Variants in DNAJC17 observed in about 807,000 individuals in gnomAD.
The protein encoded by DNAJC17 is DnaJ heat shock protein family (Hsp40) member C17, also known as dnaJ homolog subfamily C member 17.
A neutral mutation model predicts 48.1 loss-of-function variants in DNAJC17; 35 were observed. The observed-to-expected ratio is 0.73, with a 90% CI of 0.56 to 0.96. The LOEUF (loss-of-function observed/expected upper bound fraction) is 0.96, where lower values mean the gene tolerates loss of function less well. Among genes scored for constraint, DNAJC17 ranks in the 50% least tolerant of loss-of-function variants. The pLI, the probability that DNAJC17 is intolerant of heterozygous loss-of-function variation, is 0.00. For missense variants in DNAJC17, 355 were observed against 377.1 expected, an observed-to-expected ratio of 0.94 and a Z score of 0.48; for synonymous variants, 117 against 142.7, an observed-to-expected ratio of 0.82 and a Z score of 1.28.
At chr15:40,802,377 C>T (rs1890098688) in intron 1 of DNAJC17, among the ~76,000 whole-genome samples, 1 of 152,022 alleles carries the variant, frequency 6.6e-6, no homozygotes, top group African/African-American at 2.4e-5. Context: ...ACCCTGTTGG[C>T]CAGGCTGTCT....
In DNAJC17 at chr15:40,779,530, G is replaced by A; in HGVS notation, c.207+15C>T. The A allele has an allele frequency of 2.5e-6, 4 of 1,614,108 alleles. No homozygotes were observed. Among genetic ancestry groups the A allele is most frequent in the Non-Finnish European group, 3.4e-6 (4 of 1,180,004 alleles). On this transcript the variant is annotated intron_variant, in intron 3 of 10. Transcript: ENST00000220496. The stretch of plus-strand genomic sequence containing the variant: ...AACCATGGGGGACGATTCCGATGAA[G>A]GAGGCTGTGCTTACCCTGGCTGCAG...
intron 1 of DNAJC17, among the ~76,000 whole-genome samples, chr15:40,794,655 C>T (rs969202592): frequency 3.9e-5 from 6 of 152,134 alleles, no homozygotes; most frequent in East Asian, 1.9e-4. Context: ...TGGGGCAAAG[C>T]GAGACCATCT....
intron 1 of DNAJC17, among the ~76,000 whole-genome samples, chr15:40,798,494 G>A (rs1889994774): frequency 6.6e-6 from 1 of 152,202 alleles, no homozygotes; most frequent in Non-Finnish European, 1.5e-5. Context: ...GATTAAAATG[G>A]TAAGCAGTAA....
Position 40,807,088 on chromosome 15 carries a change from C to G in DNAJC17, c.78+281G>C. On this transcript the variant is annotated intron_variant, in intron 1 of 10. Coordinates refer to ENST00000220496, the MANE Select transcript of DNAJC17 (RefSeq NM_018163.3). ...ACTGCGCAGGCGCAGAGGAGGCTAGCGTTCCTTGCTGCCTCGCCCCGCGGC... is the reference window on the plus strand; with the variant it reads ...ACTGCGCAGGCGCAGAGGAGGCTAGGGTTCCTTGCTGCCTCGCCCCGCGGC... The G allele has an allele frequency of 7.4e-6, 5 of 679,962 alleles. No individual in the cohort carries two copies. The South Asian group carries it at 9.8e-5, about 13-fold the overall frequency. The allele number at this position is 679,962 out of a possible 1,614,324, so 42.1% of individuals were successfully genotyped here.
In DNAJC17 at chr15:40,791,076, G is replaced by T. The variant is rs1201140638; in HGVS notation, c.79-11079C>A. On this transcript the variant is annotated intron_variant, in intron 1 of 10. Coordinates refer to ENST00000220496, the MANE Select transcript of DNAJC17 (RefSeq NM_018163.3). The stretch of plus-strand genomic sequence containing the variant: ...AAATAGGCCGGGTGCGGTGACTCAT[G>T]CCTGTAATCCTAGCACTTTTGGAGG... Among the ~76,000 whole-genome samples, 4 of 152,164 alleles carry T rather than the reference G, an allele frequency of 2.6e-5. No individual in the cohort carries two copies. The East Asian group carries it at 7.7e-4, about 29-fold the overall frequency.
Position 40,770,546 on chromosome 15 carries a change from G to A in DNAJC17, c.793-2484C>T. 6.4e-7 allele frequency: 1 copy of A among 1,550,664 alleles called. No individual in the cohort carries two copies. Among genetic ancestry groups the A allele is most frequent in the Non-Finnish European group, 8.7e-7 (1 of 1,146,980 alleles). ...TCCGCAACGCCTCCTTCTTCAAGCAGCTGAGCCTGGGGCGGCCACGGCGGC... is the reference window on the plus strand; with the variant it reads ...TCCGCAACGCCTCCTTCTTCAAGCAACTGAGCCTGGGGCGGCCACGGCGGC... On this transcript the variant is annotated intron_variant, in intron 10 of 10. Transcript: ENST00000220496. This position sits in a 1 kb window ranked among gnomAD's most constrained non-coding sequence, Gnocchi z 5.0.
At chr15:40,779,626 C>G (rs190410298) in intron 2 of DNAJC17, 23 bp from the exon 3 acceptor site, 1 of 1,610,220 alleles carries the variant, frequency 6.2e-7, no homozygotes, top group Non-Finnish European at 8.5e-7. Flanking sequence ...ATCAAAAAGA[C>G]AGAAGAAAAA....
Position 40,769,525 on chromosome 15 carries a change from G to A in DNAJC17, c.793-1463C>T, listed in dbSNP as rs982003428. On this transcript the variant is annotated intron_variant, in intron 10 of 10. Transcript: ENST00000220496. The surrounding 1 kb of genome is among the most constrained non-coding windows in gnomAD (Gnocchi z 4.2). ...AGCCCAACCCTGGGCAGCAGAGCCC[G>A]CCCATCACAGGCATGGCGCTGCTCC... is the stretch of plus-strand genomic sequence containing the variant. Among the ~76,000 whole-genome samples the A allele has an allele frequency of 1.3e-5, 2 of 152,214 alleles. No homozygotes were observed. The highest frequency in any genetic ancestry group is 2.9e-5 in the Non-Finnish European group (2 of 68,028).
chr15:40,768,175 G>A, intron 10 of DNAJC17, 113 bp from the exon 11 acceptor site: 2 of 1,338,278 alleles, frequency 1.5e-6, no homozygotes, highest in Admixed American at 3.0e-5. Context: ...GAGGGAGGAC[G>A]GCAGAGGAAG....
At chr15:40,802,046 G>C (rs553729395) in intron 1 of DNAJC17, among the ~76,000 whole-genome samples, 23 of 152,294 alleles carry the variant, frequency 1.5e-4, no homozygotes, top group Non-Finnish European at 4.4e-5. Context: ...TGGCAGGGGT[G>C]AGAGGATAGG....
At chr15:40,799,992 G>C (rs1382189518) in intron 1 of DNAJC17, among the ~76,000 whole-genome samples, 1 of 151,284 alleles carries the variant, frequency 6.6e-6, no homozygotes, top group East Asian at 1.9e-4. Flanking sequence ...CATCACACCA[G>C]GGTTTTTTTT....
In DNAJC17 at chr15:40,779,303, T is replaced by C; in HGVS notation, c.215A>G (p.Tyr72Cys). ...CTTCTTGGCTTTCCTGACCTTGTCA[T>C]ATGCAGCCTGGCAGGAGAAAGGGGC... The part of the protein sequence containing the change: ...VLTDAAARAA[Y>C]DKVRKAKKQA... The change falls in exon 4 of 11, where the codon TAT (tyrosine) becomes TGT (cysteine). Residue 72 changes from tyrosine (Y) to cysteine (C), a missense_variant. Physicochemically the swap from Tyr to Cys is radical, Grantham distance 194. Around this residue, in one of 3 missense-constraint regions of DNAJC17, gnomAD observed 199 missense variants for 199.9 expected, o/e 1.00. Coordinates refer to ENST00000220496, the MANE Select transcript of DNAJC17 (RefSeq NM_018163.3). 1.9e-6 allele frequency: 3 copies of C among 1,613,962 alleles called. No homozygotes were observed. The highest frequency in any genetic ancestry group is 2.2e-5 in the South Asian group (2 of 91,070).
rs558225622 is a variant in DNAJC17 at position 40,769,485 on chromosome 15, C to G, written c.793-1423G>C. Among the ~76,000 whole-genome samples, 6 of 152,350 alleles carry G rather than the reference C, an allele frequency of 3.9e-5. No homozygotes were observed. Among genetic ancestry groups the G allele is most frequent in the South Asian group, 2.1e-4 (1 of 4,830 alleles). The stretch of plus-strand genomic sequence containing the variant: ...CTCTGCCAAGAAAACTTGGAGCCAC[C>G]CTTGGCGGGCCCCCAGCCCAACCCT... On this transcript the variant is annotated intron_variant, in intron 10 of 10. Transcript: ENST00000220496. The surrounding 1 kb of genome is among the most constrained non-coding windows in gnomAD (Gnocchi z 4.2).
At chr15:40,785,202 C>T (rs1889609988) in intron 1 of DNAJC17, among the ~76,000 whole-genome samples, 1 of 152,128 alleles carries the variant, frequency 6.6e-6, no homozygotes, top group Non-Finnish European at 1.5e-5. Context: ...AATAATCCTA[C>T]CTTATAAACA....
chr15:40,781,310 G>A (rs567864821), intron 1 of DNAJC17, among the ~76,000 whole-genome samples: 3 of 151,514 alleles, frequency 2.0e-5, no homozygotes, highest in Non-Finnish European at 4.4e-5. Flanking sequence ...GACCAGCCTC[G>A]CCAACAAAGC....
At position 40,767,516 on chromosome 15, in the gene DNAJC17, T is replaced by C. The variant is rs1185898696; in HGVS notation, c.*424A>G. 14 of 790,904 alleles carry C rather than the reference T, an allele frequency of 1.8e-5. 1 individual carries two copies. Among genetic ancestry groups the C allele is most frequent in the Non-Finnish European group, 2.6e-5 (14 of 531,198 alleles). The allele number at this position is 790,904 out of a possible 1,614,324, so 49.0% of individuals were successfully genotyped here. A position where few individuals can be genotyped will look rare whatever the true frequency, so the allele number is the denominator to read the frequency against. On this transcript the variant is annotated 3_prime_UTR_variant, in exon 11 of 11. Coordinates refer to ENST00000220496, the MANE Select transcript of DNAJC17 (RefSeq NM_018163.3). ...GAATGGCCTTCTCTGAAACCCTGCG[T>C]CAAGCAGTGGGAGAGGGCAGTGCCC... is the stretch of plus-strand genomic sequence containing the variant.
At position 40,773,929 on chromosome 15, in the gene DNAJC17, C is replaced by T. The variant is rs114427514; in HGVS notation, c.682-92G>A. 1,975 of 1,161,794 alleles carry T rather than the reference C, an allele frequency of 1.7e-3. 26 individuals are homozygous for T. The African/African-American group carries it at 0.027, about 16-fold the overall frequency. The allele number at this position is 1,161,794 out of a possible 1,614,324, so 72.0% of individuals were successfully genotyped here. On this transcript the variant is annotated intron_variant, in intron 9 of 10. Transcript: ENST00000220496. ...CCACAGAGAGAACGGAACCAGCGTT[C>T]TAGCCCTCTAAGCAGAGATGCCAAC...
At position 40,766,129 on chromosome 15, in the gene DNAJC17, T is replaced by A; in HGVS notation, c.*1811A>T. 7.4e-6 allele frequency: 3 copies of A among 407,454 alleles called. No homozygotes were observed. The highest frequency in any genetic ancestry group is 1.3e-5 in the Non-Finnish European group (3 of 225,812). 25.2% of individuals were successfully genotyped at this position (407,454 alleles called of 1,614,324 possible). ...CCCACGAGGCTTGCTCTGAAAGCTT[T>A]CCACATCCTTACTGGAACCGCAGAA... On this transcript the variant is annotated 3_prime_UTR_variant, in exon 11 of 11. Transcript: ENST00000220496.
At chr15:40,805,111 C>T (rs1411639891) in intron 1 of DNAJC17, among the ~76,000 whole-genome samples, 2 of 152,148 alleles carry the variant, frequency 1.3e-5, no homozygotes, top group East Asian at 3.8e-4. Flanking sequence ...GGCATAGTGG[C>T]TCACACCTGT....
Sources: allele counts gnomAD v4.1 joint callset (sites outside exome capture counted in the v4.1 genomes callset), GRCh38; gene constraint gnomAD v4.1.1; regional missense constraint gnomAD v4.1.1; non-coding constraint Gnocchi (gnomAD v3.1); transcripts MANE v1.5; gene names NCBI Gene and HGNC (gene_info 2026-07-23, HGNC 2026-07-21).